Variants in SQOR observed in about 807,000 individuals in gnomAD.
The protein encoded by SQOR is sulfide quinone oxidoreductase.
Under a neutral mutation model 48.6 loss-of-function variants are expected in SQOR, and 39 were observed. The ratio of observed to expected loss-of-function variants is 0.80; its 90% CI spans 0.62 to 1.05. The LOEUF is 1.05. Among genes scored for constraint, SQOR ranks in the 50% least tolerant of loss-of-function variants. The pLI, the probability that SQOR is intolerant of heterozygous loss-of-function variation, is 0.00. For missense variants in SQOR, 561 were observed against 559.9 expected (o/e 1.00, Z -0.02); for synonymous variants, 220 against 206.2 (o/e 1.07, Z -0.57).
intron 6 of SQOR, 62 bp downstream of exon 6, chr15:45,676,372 A>C: frequency 1.3e-6 from 2 of 1,499,116 alleles, no homozygotes; most frequent in Non-Finnish European, 1.8e-6. Flanking sequence ...CCATAGATAC[A>C]TGGGGGCTCA....
At chr15:45,680,804 G>T (rs1890113589) in intron 6 of SQOR, among the ~76,000 whole-genome samples, 1 of 152,124 alleles carries the variant, frequency 6.6e-6, no homozygotes, top group African/African-American at 2.4e-5. Flanking sequence ...TTATATGAAA[G>T]TATTTAGCTT....
chr15:45,650,874 T>G (rs1889471486), intron 1 of SQOR, among the ~76,000 whole-genome samples: 2 of 152,236 alleles, frequency 1.3e-5, no homozygotes, highest in Non-Finnish European at 2.9e-5. Context: ...GGGTACTGAT[T>G]GGTGCCTTTA....
chr15:45,686,630 C>G (rs1335146536), intron 7 of SQOR, among the ~76,000 whole-genome samples: 2 of 152,160 alleles, frequency 1.3e-5, no homozygotes, highest in African/African-American at 4.8e-5. Flanking sequence ...TATATAATAT[C>G]TTTGATTTGC....
At chr15:45,640,131 C>T (rs966738888) in intron 1 of SQOR, among the ~76,000 whole-genome samples, 2 of 152,196 alleles carry the variant, frequency 1.3e-5, no homozygotes, top group African/African-American at 4.8e-5. Flanking sequence ...GGAATGGTTT[C>T]CATTCTAATT....
At chr15:45,642,725 A>T (rs918553621) in intron 1 of SQOR, among the ~76,000 whole-genome samples, 1 of 152,168 alleles carries the variant, frequency 6.6e-6, no homozygotes. Flanking sequence ...GGTCCCTGAC[A>T]TAACTTCCCT....
intron 5 of SQOR, among the ~76,000 whole-genome samples, chr15:45,674,996 C>T (rs1449774974): frequency 1.3e-5 from 2 of 152,124 alleles, no homozygotes; most frequent in Non-Finnish European, 2.9e-5. Flanking sequence ...CTGTAAACTG[C>T]AACAACCCTG....
chr15:45,688,936 G>GA, intron 8 of SQOR, 103 bp from the exon 9 acceptor site: 5 of 970,156 alleles, frequency 5.2e-6, no homozygotes, highest in Non-Finnish European at 7.5e-6. Context: ...ATACAGAAAA[G>GA]AAAAAATATA....
intron 9 of SQOR, 34 bp downstream of exon 9, chr15:45,689,251 G>A (rs1003975729): frequency 3.1e-6 from 5 of 1,607,196 alleles, no homozygotes; most frequent in Non-Finnish European, 4.3e-6. Flanking sequence ...GATGAGGAAA[G>A]GGATTTGTAG....
intron 9 of SQOR, among the ~76,000 whole-genome samples, chr15:45,690,082 C>CTTTTTTTT (rs11449007): frequency 7.3e-6 from 1 of 137,014 alleles, no homozygotes; most frequent in Non-Finnish European, 1.5e-5. Context: ...CCTCTTCCTC[C>CTTTTTTTT]TTTTTTTTTT....
upstream of SQOR, among the ~76,000 whole-genome samples, chr15:45,632,174 A>T (rs566207567): frequency 1.3e-4 from 19 of 150,786 alleles, no homozygotes; most frequent in South Asian, 2.8e-3. Context: ...TATGCTCAGG[A>T]CATTTCCCTC....
intron 4 of SQOR, 100 bp downstream of exon 4, chr15:45,670,081 G>A (rs1280561345): frequency 1.8e-6 from 2 of 1,129,138 alleles, no homozygotes; most frequent in Non-Finnish European, 2.6e-6. Context: ...CAAGAAAGGG[G>A]TTCTAAGAAA....
intron 4 of SQOR, among the ~76,000 whole-genome samples, chr15:45,671,571 C>A (rs551411115): frequency 1.1e-4 from 16 of 152,280 alleles, no homozygotes; most frequent in African/African-American, 3.4e-4. Flanking sequence ...CACTGTGCTA[C>A]TTGGGACTCT....
At chr15:45,674,282 CA>C (rs993490441) in intron 5 of SQOR, among the ~76,000 whole-genome samples, 1 of 151,596 alleles carries the variant, frequency 6.6e-6, no homozygotes, top group African/African-American at 2.4e-5. Context: ...ACTAAAAATA[CA>C]AAAAAAATTA....
intron 1 of SQOR, among the ~76,000 whole-genome samples, chr15:45,641,301 T>C (rs1164863086): frequency 1.4e-4 from 21 of 152,202 alleles, no homozygotes. Flanking sequence ...CACTGTTTCA[T>C]TGTAAAGTCC....
At chr15:45,665,253 C>T (rs1353851805) in intron 3 of SQOR, among the ~76,000 whole-genome samples, 1 of 152,166 alleles carries the variant, frequency 6.6e-6, no homozygotes, top group East Asian at 1.9e-4. Flanking sequence ...TGTTTTAGGG[C>T]AGAGAAGTTG....
In SQOR at chr15:45,689,119, G is replaced by A. The variant is rs10643; in HGVS notation, c.1197G>A (p.Pro399=). 196,608 of 1,613,840 alleles carry A rather than the reference G, an allele frequency of 0.12. 13,227 individuals are homozygous for A. The highest frequency in any genetic ancestry group is 0.19 in the Middle Eastern group (1,165 of 6,062). Residue 399 remains proline, a synonymous_variant, in exon 9 of 10, where the codon CCG becomes CCA. Transcript: ENST00000260324. ...ILAEFDYKAE[P]LETFPFDQSK... ...CTGAGTTTGACTACAAAGCAGAGCC[G>A]CTAGAAACCTTCCCCTTTGATCAAA...
intron 1 of SQOR, among the ~76,000 whole-genome samples, chr15:45,647,576 C>T (rs559490958): frequency 9.9e-5 from 15 of 151,958 alleles, no homozygotes; most frequent in Admixed American, 6.5e-4. Context: ...GTGCGCCCGC[C>T]TTGGCCTCCC....
rs773757775 is a variant in SQOR at position 45,676,068 on chromosome 15, C to T, written c.655-33C>T. 2.6e-6 allele frequency: 4 copies of T among 1,565,862 alleles called. No individual in the cohort carries two copies. The African/African-American group carries it at 5.5e-5, about 22-fold the overall frequency. On this transcript the variant is annotated intron_variant, in intron 5 of 9. Coordinates refer to ENST00000260324, the MANE Select transcript of SQOR (RefSeq NM_021199.4). Reference sequence around the variant, plus strand: ...AAAAAAAAAGGCAGCTGCAGTCATGCTTTGGTGTGAATGGTTTTCTTATTT... The same window carrying T: ...AAAAAAAAAGGCAGCTGCAGTCATGTTTTGGTGTGAATGGTTTTCTTATTT...
intron 7 of SQOR, among the ~76,000 whole-genome samples, chr15:45,683,832 G>A (rs187468768): frequency 6.6e-6 from 1 of 151,658 alleles, no homozygotes; most frequent in East Asian, 1.9e-4. Flanking sequence ...ATGTATATAT[G>A]TATATTATGT....
Sources: gnomAD v4.1 joint callset for allele counts (sites outside exome capture counted in the v4.1 genomes callset) on GRCh38, gnomAD v4.1.1 for gene constraint, MANE v1.5 for transcripts, NCBI Gene and HGNC (gene_info 2026-07-23, HGNC 2026-07-21) for gene names.